Variants in GAB2 observed in about 807,000 individuals in gnomAD.
The protein encoded by GAB2 is GRB2 associated binding protein 2, also known as GRB2-associated-binding protein 2.
Under a neutral mutation model 65.5 loss-of-function variants are expected in GAB2, and 26 were observed. The ratio of observed to expected loss-of-function variants is 0.40; its 90% CI spans 0.29 to 0.55. The LOEUF is 0.55. Ranked by LOEUF, GAB2 falls within the 20% of genes least tolerant of loss-of-function variation. GAB2 has a pLI of 0.53. For synonymous variants in GAB2, 321 were observed against 329.6 expected, an observed-to-expected ratio of 0.97 and a Z score of 0.28; for missense variants, 884 against 875.8, an observed-to-expected ratio of 1.01 and a Z score of -0.12.
At chr11:78,225,294 T>G (rs1473525221) in intron 4 of GAB2, 92 bp from the exon 5 acceptor site, 1 of 792,754 alleles carries the variant, frequency 1.3e-6, no homozygotes, top group African/African-American at 1.7e-5. Flanking sequence ...AAGGTCTTAC[T>G]GATACTCCAG....
chr11:78,230,112 T>A (rs1162416857), intron 3 of GAB2, among the ~76,000 whole-genome samples: 1 of 152,250 alleles, frequency 6.6e-6, no homozygotes, highest in Non-Finnish European at 1.5e-5. Flanking sequence ...TAATGCTTGT[T>A]GCATTATAAA....
intron 1 of GAB2, among the ~76,000 whole-genome samples, chr11:78,350,523 C>T (rs1856259968): frequency 6.6e-6 from 1 of 152,202 alleles, no homozygotes; most frequent in Non-Finnish European, 1.5e-5. Flanking sequence ...CCAAGTTTCA[C>T]TTTCTGAAAT....
chr11:78,411,808 G>A (rs1013167182), intron 1 of GAB2, among the ~76,000 whole-genome samples: 1 of 151,828 alleles, frequency 6.6e-6, no homozygotes. Context: ...AAGGTGGGCG[G>A]ATCACGAGGT....
chr11:78,282,160 T>G (rs572950686), intron 1 of GAB2, among the ~76,000 whole-genome samples: 35 of 152,352 alleles, frequency 2.3e-4, no homozygotes, highest in Non-Finnish European at 3.8e-4. Context: ...ACCACAGAAT[T>G]GAACACGTGA....
At chr11:78,297,783 A>G (rs1218501958) in intron 1 of GAB2, among the ~76,000 whole-genome samples, 1 of 152,212 alleles carries the variant, frequency 6.6e-6, no homozygotes, top group Non-Finnish European at 1.5e-5. Context: ...ACCATGTATT[A>G]TACTATTTAT....
chr11:78,223,746 T>G (rs1279400173), intron 5 of GAB2, 70 bp from the exon 6 acceptor site: 4 of 1,314,444 alleles, frequency 3.0e-6, no homozygotes, highest in Non-Finnish European at 4.2e-6. Flanking sequence ...GGTAAGACTT[T>G]GTAAATGAGG....
rs544308269 is a variant in GAB2, at chr11:78,275,321, T to C, written c.376+5280A>G. On this transcript the variant is annotated intron_variant, in intron 2 of 9. Transcript: ENST00000361507. ...AGGGAAGAAAAAATACTCAATTTCA[T>C]CATATGAAAAATGGAAATAAAGGTG... 1.1e-3 allele frequency among the ~76,000 whole-genome samples: 166 copies of C among 152,020 alleles called. 1 individual carries two copies. Among genetic ancestry groups the C allele is most frequent in the African/African-American group, 3.9e-3 (160 of 41,438 alleles).
At chr11:78,272,901 T>C (rs564027069) in intron 2 of GAB2, among the ~76,000 whole-genome samples, 128 of 152,022 alleles carry the variant, frequency 8.4e-4, no homozygotes, top group African/African-American at 3.0e-3. Flanking sequence ...AGTCACTCCA[T>C]CCGTGACTAA....
chr11:78,312,122 C>A (rs1855512010), intron 1 of GAB2, among the ~76,000 whole-genome samples: 1 of 150,592 alleles, frequency 6.6e-6, no homozygotes, highest in African/African-American at 2.4e-5. Context: ...GAACTGAGGG[C>A]ACAACCAACT....
At chr11:78,407,850 G>A (rs1286604062) in intron 1 of GAB2, among the ~76,000 whole-genome samples, 1 of 152,116 alleles carries the variant, frequency 6.6e-6, no homozygotes, top group African/African-American at 2.4e-5. Flanking sequence ...AAAGACCATG[G>A]ATTTTTCATT....
intron 1 of GAB2, among the ~76,000 whole-genome samples, chr11:78,412,819 A>G (rs1857146133): frequency 6.6e-6 from 1 of 152,246 alleles, no homozygotes; most frequent in South Asian, 2.1e-4. Context: ...TTACTACATT[A>G]AAAGATCAAT....
At chr11:78,323,790 C>CTTTTTTTTTTTT (rs749282969) in intron 1 of GAB2, among the ~76,000 whole-genome samples, 16 of 77,260 alleles carry the variant, frequency 2.1e-4, no homozygotes, top group African/African-American at 7.0e-4. Context: ...CTGAATCTTT[C>CTTTTTTTTTTTT]TTTTTTTTTT....
At chr11:78,331,085 C>A (rs1196991588) in intron 1 of GAB2, among the ~76,000 whole-genome samples, 1 of 151,786 alleles carries the variant, frequency 6.6e-6, no homozygotes, top group Non-Finnish European at 1.5e-5. Flanking sequence ...TGAGGCGGGA[C>A]AATTGCATGA....
intron 1 of GAB2, among the ~76,000 whole-genome samples, chr11:78,373,094 A>G (rs1442509334): frequency 1.3e-5 from 2 of 152,162 alleles, no homozygotes; most frequent in Non-Finnish European, 2.9e-5. Flanking sequence ...TGAGAAACTA[A>G]AGGGAAGACT....
chr11:78,394,320 T>A (rs535529693), intron 1 of GAB2, among the ~76,000 whole-genome samples: 4 of 151,876 alleles, frequency 2.6e-5, no homozygotes, highest in Admixed American at 2.6e-4. Flanking sequence ...AAAGAAGCTA[T>A]ACTATGAGAT....
At chr11:78,300,517 A>AAAAAAAAAAC (rs1809528216) in intron 1 of GAB2, among the ~76,000 whole-genome samples, 1 of 2,238 alleles carries the variant, frequency 4.5e-4, no homozygotes, top group African/African-American at 4.3e-3. Flanking sequence ...TTAATTTTAT[A>AAAAAAAAAAC]AAAAAACAAA....
chr11:78,238,792 C>G (rs1247444508), intron 3 of GAB2, among the ~76,000 whole-genome samples: 4 of 152,058 alleles, frequency 2.6e-5, no homozygotes, highest in Non-Finnish European at 5.9e-5. Context: ...AATTGAACAT[C>G]AGAATTAAAA....
rs553772505 is a variant in GAB2 at position 78,241,222 on chromosome 11, A to T, written c.620+8935T>A. ...TGTTGAACATAGGCAAAGAAGCTGC[A>T]TGGAGACTATACCATTGCACCTAAG... On this transcript the variant is annotated intron_variant, in intron 3 of 9. Coordinates refer to ENST00000361507, the MANE Select transcript of GAB2 (RefSeq NM_080491.3). Among the ~76,000 whole-genome samples the T allele has an allele frequency of 1.3e-4, 20 of 152,362 alleles. No individual in the cohort carries two copies. The South Asian group carries it at 3.7e-3, about 28-fold the overall frequency.
At chr11:78,252,969 T>G (rs1026224035) in intron 2 of GAB2, among the ~76,000 whole-genome samples, 11 of 151,868 alleles carry the variant, frequency 7.2e-5, no homozygotes, top group African/African-American at 2.7e-4. Flanking sequence ...TTAAAACTCT[T>G]CTGTTATACC....
Sources: gnomAD v4.1 joint callset for allele counts (sites outside exome capture counted in the v4.1 genomes callset) on GRCh38, gnomAD v4.1.1 for gene constraint, MANE v1.5 for transcripts, NCBI Gene and HGNC (gene_info 2026-07-23, HGNC 2026-07-21) for gene names.